The following COX7B2 variants were observed in gnomAD, a reference collection of about 807,000 sequenced individuals.
COX7B2 encodes cytochrome c oxidase subunit 7B2, also known as cytochrome c oxidase subunit 7B2, mitochondrial.
For missense variants in COX7B2, 109 were observed against 95.9 expected (o/e 1.14, Z -0.57); for synonymous variants, 37 against 32.1 (o/e 1.15, Z -0.51).
At chr4:46,814,098 T>C (rs1448251808) in intron 2 of COX7B2, among the ~76,000 whole-genome samples, 1 of 151,968 alleles carries the variant, frequency 6.6e-6, no homozygotes, top group Non-Finnish European at 1.5e-5. Context: ...TTATGGAAAA[T>C]AGCATGGAGG....
At chr4:46,849,883 A>G (rs956755695) in intron 1 of COX7B2, among the ~76,000 whole-genome samples, 3 of 151,926 alleles carry the variant, frequency 2.0e-5, no homozygotes, top group Admixed American at 6.6e-5. Context: ...TTCCCCTTCT[A>G]TTTTAAGAAT....
At chr4:46,865,096 C>A (rs1040370838) in intron 1 of COX7B2, among the ~76,000 whole-genome samples, 1 of 152,136 alleles carries the variant, frequency 6.6e-6, no homozygotes, top group Non-Finnish European at 1.5e-5. Flanking sequence ...TTTTTAATCT[C>A]TAGCACCTCT....
intron 2 of COX7B2, among the ~76,000 whole-genome samples, chr4:46,767,937 G>C (rs979657871): frequency 6.6e-6 from 1 of 152,234 alleles, no homozygotes; most frequent in African/African-American, 2.4e-5. Context: ...TTATGGGAGG[G>C]GGAGCATGCA....
intron 2 of COX7B2, among the ~76,000 whole-genome samples, chr4:46,815,228 C>T (rs2109674608): frequency 6.6e-6 from 1 of 151,788 alleles, no homozygotes; most frequent in East Asian, 1.9e-4. Flanking sequence ...TGAAAGTACT[C>T]AGACAGCAAG....
intron 2 of COX7B2, among the ~76,000 whole-genome samples, chr4:46,754,557 G>T (rs77602323): frequency 0.28 from 28,055 of 100,486 alleles, 5,006 homozygotes; most frequent in South Asian, 0.45. Flanking sequence ...GGGGGGAGGG[G>T]GGAGGGATAG....
intron 2 of COX7B2, among the ~76,000 whole-genome samples, chr4:46,762,248 T>TAA (rs1716205928): frequency 7.1e-6 from 1 of 141,708 alleles, no homozygotes; most frequent in Non-Finnish European, 1.5e-5. Flanking sequence ...ATATATTATA[T>TAA]ATTTAATATA....
chr4:46,894,792 G>A (rs1018528118), intron 1 of COX7B2, among the ~76,000 whole-genome samples: 9 of 151,866 alleles, frequency 5.9e-5, no homozygotes, highest in African/African-American at 2.2e-4. Context: ...AAATGTACAA[G>A]CAAAAAACAA....
chr4:46,893,396 T>C (rs965918956), intron 1 of COX7B2, among the ~76,000 whole-genome samples: 1 of 152,202 alleles, frequency 6.6e-6, no homozygotes, highest in African/African-American at 2.4e-5. Context: ...ACTGTTCACA[T>C]TGCATTATAA....
intron 2 of COX7B2, among the ~76,000 whole-genome samples, chr4:46,803,737 T>C (rs888693585): frequency 1.9e-4 from 28 of 150,708 alleles, no homozygotes; most frequent in South Asian, 1.3e-3. Context: ...ACTTTCTTTT[T>C]TTTTTTTTTT....
Sources: allele counts gnomAD v4.1 joint callset (sites outside exome capture counted in the v4.1 genomes callset), GRCh38; gene constraint gnomAD v4.1.1; transcripts MANE v1.5; gene names NCBI Gene and HGNC (gene_info 2026-07-23, HGNC 2026-07-21).